RASEF: variants seen among roughly 807,000 people sequenced by gnomAD.
RASEF encodes the protein ras and EF-hand domain-containing protein.
In RASEF, 68 loss-of-function variants were observed where a neutral mutation model predicts 90.1. That is an observed-to-expected ratio of 0.75 (90% confidence interval 0.62 to 0.92). The LOEUF (loss-of-function observed/expected upper bound fraction) is 0.92, where lower values mean the gene tolerates loss of function less well. Among genes scored for constraint, RASEF ranks in the 40% least tolerant of loss-of-function variants. The pLI, the probability that RASEF is intolerant of heterozygous loss-of-function variation, is 0.00. For missense variants in RASEF, 949 were observed against 937.2 expected (o/e 1.01, Z -0.16); for synonymous variants, 331 against 345.2 (o/e 0.96, Z 0.46).
At chr9:83,102,626 A>G in the RASEF span, among the ~76,000 whole-genome samples, 1 of 152,170 alleles carries the variant, frequency 6.6e-6, no homozygotes, top group Non-Finnish European at 1.5e-5. Context: ...GGCAGGAGAC[A>G]GAGGGAACGA....
intron 1 of RASEF, chr9:83,049,402 C>T: frequency 1.1e-6 from 1 of 894,414 alleles, no homozygotes; most frequent in Non-Finnish European, 1.3e-6. Context: ...GAACACATTT[C>T]TATGATCAAA....
chr9:83,090,063 A>G, the RASEF span, among the ~76,000 whole-genome samples: 10 of 152,138 alleles, frequency 6.6e-5, no homozygotes, highest in African/African-American at 2.2e-4. Flanking sequence ...CTCAAACTTG[A>G]TAATCTCAGT....
chr9:82,984,354 A>G (rs1828672821), intron 16 of RASEF, among the ~76,000 whole-genome samples: 1 of 152,188 alleles, frequency 6.6e-6, no homozygotes, highest in South Asian at 2.1e-4. Context: ...CCACATTGTG[A>G]GTGGCTAGTG....
Position 82,985,417 on chromosome 9 carries a change from G to A in RASEF, c.2118-2635C>T, listed in dbSNP as rs535923324. The stretch of plus-strand genomic sequence containing the variant: ...CCCCCATGACTCAATTACCTCCCCC[G>A]GGGTCCTTCCCACAACACATGGGAA... On this transcript the variant is annotated intron_variant, in intron 16 of 16. Transcript: ENST00000376447. 7.9e-5 allele frequency among the ~76,000 whole-genome samples: 12 copies of A among 152,136 alleles called. No homozygotes were observed. In the South Asian group the frequency reaches 2.1e-3, roughly 26 times the overall value.
chr9:83,000,017 ACACACACACACACACACAC>A (rs1399951311), intron 12 of RASEF, 133 bp downstream of exon 12: 5 of 651,122 alleles, frequency 7.7e-6, no homozygotes, highest in South Asian at 1.9e-5. Context: ...ACACACACAC[ACACACACACACACACACAC>A]ATTTATATAT....
At chr9:83,045,124 A>G (rs1029656715) in intron 1 of RASEF, among the ~76,000 whole-genome samples, 1 of 152,222 alleles carries the variant, frequency 6.6e-6, no homozygotes, top group Non-Finnish European at 1.5e-5. Context: ...GTAAAGAGAT[A>G]TGTGTGTACA....
At chr9:83,041,437 A>C (rs546071863) in intron 1 of RASEF, among the ~76,000 whole-genome samples, 1 of 152,356 alleles carries the variant, frequency 6.6e-6, no homozygotes, top group South Asian at 2.1e-4. Flanking sequence ...TTTTATGAAA[A>C]CATACAAAAA....
chr9:83,012,487 T>C lies in RASEF; in HGVS notation c.790A>G (p.Ser264Gly), dbSNP rs1188216223. Residue 264 changes from serine (S) to glycine (G), a missense_variant, in exon 5 of 17, where the codon AGT becomes GGT. Physicochemically the swap from Ser to Gly is moderately conservative, Grantham distance 56. Around this residue, in one of 3 missense-constraint regions of RASEF, gnomAD observed 656 missense variants for 592.2 expected, o/e 1.11. Coordinates refer to ENST00000376447, the MANE Select transcript of RASEF (RefSeq NM_152573.4). ...RKLEEQSKRV[S>G]QKEDVAALKK... ...AATGCAGCCACATCTTCCTTTTGAC[T>C]TACGCGTTTTGATTGTTCTTCGAGC... 2 of 1,591,160 alleles carry C rather than the reference T, an allele frequency of 1.3e-6. No homozygotes were observed. The highest frequency in any genetic ancestry group is 1.8e-5 in the Admixed American group (1 of 56,176).
Position 83,012,426 on chromosome 9 carries a change from A to G in RASEF, c.843+8T>C, listed in dbSNP as rs367705007. 138 of 1,481,272 alleles carry G rather than the reference A, an allele frequency of 9.3e-5. No individual in the cohort carries two copies. The African/African-American group carries it at 1.9e-3, about 20-fold the overall frequency. 91.8% of individuals were successfully genotyped at this position (1,481,272 alleles called of 1,614,324 possible). On this transcript the variant is annotated splice_region_variant and intron_variant, in intron 5 of 16. Transcript: ENST00000376447. The stretch of plus-strand genomic sequence containing the variant: ...GTGCATTTCTGTAAGTGAAAAGGTA[A>G]TTCTTACCATTGATAAATCATAAAT...
the RASEF span, among the ~76,000 whole-genome samples, chr9:83,088,499 A>T: frequency 6.6e-6 from 1 of 151,978 alleles, no homozygotes; most frequent in Admixed American, 6.6e-5. Flanking sequence ...TGTTCTACCC[A>T]TTATTGATAG....
chr9:83,062,897 C>G lies in RASEF; in HGVS notation c.-30G>C, dbSNP rs775516219. ...CCTGGCGGGGGCGGCCGAGAGGGCT[C>G]CGGAGCGCCGCGGGGCGCAGGGCCC... On this transcript the variant is annotated 5_prime_UTR_variant, in exon 1 of 17. Transcript: ENST00000376447. The G allele has an allele frequency of 7.1e-7, 1 of 1,415,424 alleles. No homozygotes were observed. The highest frequency in any genetic ancestry group is 3.3e-5 in the Admixed American group (1 of 30,678). 87.7% of individuals were successfully genotyped at this position (1,415,424 alleles called of 1,614,324 possible).
chr9:83,069,823 C>G, the RASEF span, among the ~76,000 whole-genome samples: 1 of 152,164 alleles, frequency 6.6e-6, no homozygotes, highest in Non-Finnish European at 1.5e-5. Flanking sequence ...CTTGTCAACC[C>G]TTGGTAGCAT....
At chr9:83,043,937 A>T (rs1160215826) in intron 1 of RASEF, among the ~76,000 whole-genome samples, 1 of 152,106 alleles carries the variant, frequency 6.6e-6, no homozygotes, top group South Asian at 2.1e-4. Flanking sequence ...GTGATTTAAC[A>T]CCAGTGCCCG....
the RASEF span, among the ~76,000 whole-genome samples, chr9:83,097,145 C>G: frequency 6.6e-6 from 1 of 152,138 alleles, no homozygotes; most frequent in Non-Finnish European, 1.5e-5. Flanking sequence ...TGGGTATATA[C>G]CCAGTAATGG....
the RASEF span, among the ~76,000 whole-genome samples, chr9:83,113,268 C>G: frequency 6.6e-6 from 1 of 152,114 alleles, no homozygotes; most frequent in African/African-American, 2.4e-5. Flanking sequence ...TTATCACTTC[C>G]CTAATAATAC....
At chr9:83,113,579 T>C in the RASEF span, among the ~76,000 whole-genome samples, 1 of 152,198 alleles carries the variant, frequency 6.6e-6, no homozygotes, top group Non-Finnish European at 1.5e-5. Flanking sequence ...GCTGAATTCT[T>C]TTCCCAGCAA....
chr9:83,098,727 C>A, the RASEF span, among the ~76,000 whole-genome samples: 38 of 152,248 alleles, frequency 2.5e-4, no homozygotes, highest in East Asian at 4.4e-3. Flanking sequence ...TCTTACATGG[C>A]AGCAGGCAAA....
Position 82,982,460 on chromosome 9 carries a change from C to A in RASEF, c.*217G>T. The A allele has an allele frequency of 2.2e-6, 1 of 453,430 alleles. No individual in the cohort carries two copies. Among genetic ancestry groups the A allele is most frequent in the South Asian group, 3.1e-5 (1 of 32,578 alleles). The allele number at this position is 453,430 out of a possible 1,614,324, so 28.1% of individuals were successfully genotyped here. On this transcript the variant is annotated 3_prime_UTR_variant, in exon 17 of 17. Transcript: ENST00000376447. ...TCTTTTAAGACCTGTAAGGACATGACTAGTCTATTTAGCCAGAGGGCCCAA... is the reference window on the plus strand; with the variant it reads ...TCTTTTAAGACCTGTAAGGACATGAATAGTCTATTTAGCCAGAGGGCCCAA...
chr9:83,143,747 A>G, the RASEF span, among the ~76,000 whole-genome samples: 2 of 152,200 alleles, frequency 1.3e-5, no homozygotes, highest in Admixed American at 1.3e-4. Context: ...AAGCAGTTTG[A>G]AGATTTCTCA....
Sources: allele counts gnomAD v4.1 joint callset (sites outside exome capture counted in the v4.1 genomes callset), GRCh38; gene constraint gnomAD v4.1.1; regional missense constraint gnomAD v4.1.1; transcripts MANE v1.5; gene names NCBI Gene and HGNC (gene_info 2026-07-23, HGNC 2026-07-21).